Variants in TMEM190 observed in about 807,000 individuals in gnomAD.
TMEM190 encodes transmembrane protein 190.
Under a neutral mutation model 17.1 loss-of-function variants are expected in TMEM190, and 17 were observed. The ratio of observed to expected loss-of-function variants is 0.99; its 90% CI spans 0.68 to 1.49. TMEM190 has a LOEUF of 1.49. Among genes scored for constraint, TMEM190 ranks in the 40% most tolerant of loss-of-function variants. The pLI is 0.00. For synonymous variants in TMEM190, 101 were observed against 103.8 expected (o/e 0.97, Z 0.16); for missense variants, 246 against 245.0 (o/e 1.00, Z -0.03).
intron 2 of TMEM190, 112 bp downstream of exon 2, chr19:55,377,138 G>A (rs1374241192): frequency 3.0e-6 from 3 of 1,011,968 alleles, no homozygotes; most frequent in Admixed American, 2.4e-5. Flanking sequence ...GGGAGGACGG[G>A]GGGGTCTGGA....
At position 55,378,051 on chromosome 19, in the gene TMEM190, C is replaced by G; in HGVS notation, c.382C>G (p.Leu128Val). 6.2e-7 allele frequency: 1 copy of G among 1,612,724 alleles called. No homozygotes were observed. Among genetic ancestry groups the G allele is most frequent in the South Asian group, 1.1e-5 (1 of 91,012 alleles). ...GPCDMSKSVS[L>V]LSKHRGTKKT... ...GTGTGACATGTCCAAGTCCGTCTCG[C>G]TGCTCTCCAAGCACCGAGGGACCAA... is the stretch of plus-strand genomic sequence containing the variant. Residue 128 changes from leucine to valine, a missense_variant, in exon 5 of 5, where the codon CTG (leucine) becomes GTG (valine). By Grantham distance (32) the Leu-to-Val change is conservative. Transcript: ENST00000291934.
Position 55,378,128 on chromosome 19 carries a change from G to A in TMEM190, c.459G>A (p.Arg153=). 1.9e-6 allele frequency: 3 copies of A among 1,591,306 alleles called. No homozygotes were observed. The highest frequency in any genetic ancestry group is 2.6e-6 in the Non-Finnish European group (3 of 1,165,572). ...SVPVALSKES[R]DVEGGTEGEG... is the part of the protein sequence containing the mutation. ...CAGTCGCCCTGTCCAAAGAGTCCAG[G>A]GATGTGGAGGGAGGCACCGAGGGGG... The change falls in exon 5 of 5, where the codon AGG becomes AGA. Residue 153 remains arginine (R), a synonymous_variant. Coordinates refer to ENST00000291934, the MANE Select transcript of TMEM190 (RefSeq NM_139172.3).
chr19:55,377,723 G>C lies in TMEM190; in HGVS notation c.220+5G>C. 6.2e-7 allele frequency: 1 copy of C among 1,611,190 alleles called. No homozygotes were observed. ...GCTACCACCAGCGTCCAGACGGTGAGGGCTCCTGGCCCCAGGTCCCTGGGG... is the reference window on the plus strand; with the variant it reads ...GCTACCACCAGCGTCCAGACGGTGACGGCTCCTGGCCCCAGGTCCCTGGGG... On this transcript the variant is annotated splice_donor_5th_base_variant and intron_variant, in intron 3 of 4. Transcript: ENST00000291934.
chr19:55,376,996 A>AATGGAATCCAGGGATTCTTCTACCC lies in TMEM190; in HGVS notation c.70_94dup (p.Ser32AsnfsTer11). 1 of 1,551,480 alleles carries AATGGAATCCAGGGATTCTTCTACCC rather than the reference A, an allele frequency of 6.4e-7. No individual in the cohort carries two copies. The highest frequency in any genetic ancestry group is 8.7e-7 in the Non-Finnish European group (1 of 1,146,982). Reference sequence around the variant, plus strand: ...CACTGCCCTTTCTCTCGCAGACGGAAATGGAATCCAGGGATTCTTCTACCC... The same window carrying AATGGAATCCAGGGATTCTTCTACCC: ...CACTGCCCTTTCTCTCGCAGACGGAAATGGAATCCAGGGATTCTTCTACCCATGGAATCCAGGGATTCTTCTACCC... On this transcript the variant is annotated frameshift_variant, in exon 2 of 5. Coordinates refer to ENST00000291934, the MANE Select transcript of TMEM190 (RefSeq NM_139172.3). LOFTEE classifies it high-confidence loss of function.
At chr19:55,377,063 G>A (rs915368230) in intron 2 of TMEM190, 37 bp downstream of exon 2, 1 of 1,550,106 alleles carries the variant, frequency 6.5e-7, no homozygotes, top group Non-Finnish European at 8.7e-7. Context: ...ACCCAGGGAG[G>A]GGAGCCCAGA....
chr19:55,378,040 AGTCCGTCTC>A lies in TMEM190; in HGVS notation c.373_381del (p.Ser125_Ser127del). ...CTGGCGGGTCCGTGTGACATGTCCAAGTCCGTCTCGCTGCTCTCCAAGCACCGAGGGACC... is the reference window on the plus strand; with the variant it reads ...CTGGCGGGTCCGTGTGACATGTCCAAGCTGCTCTCCAAGCACCGAGGGACC... On this transcript the variant is annotated inframe_deletion, in exon 5 of 5. Transcript: ENST00000291934. 1 of 1,612,792 alleles carries A rather than the reference AGTCCGTCTC, an allele frequency of 6.2e-7. No individual in the cohort carries two copies. Among genetic ancestry groups the A allele is most frequent in the Non-Finnish European group, 8.5e-7 (1 of 1,179,802 alleles).
At position 55,377,029 on chromosome 19, in the gene TMEM190, G is replaced by T. The variant is rs1425518254; in HGVS notation, c.94+3G>T. ...CCAGGGATTCTTCTACCCATGGAGTGAGCAGCCGCTGAAATACTGGGTCAC... is the reference window on the plus strand; with the variant it reads ...CCAGGGATTCTTCTACCCATGGAGTTAGCAGCCGCTGAAATACTGGGTCAC... On this transcript the variant is annotated splice_donor_region_variant and intron_variant, in intron 2 of 4. Coordinates refer to ENST00000291934, the MANE Select transcript of TMEM190 (RefSeq NM_139172.3). The T allele has an allele frequency of 1.3e-6, 2 of 1,551,098 alleles. No homozygotes were observed. Among genetic ancestry groups the T allele is most frequent in the East Asian group, 4.9e-5 (2 of 40,928 alleles).
chr19:55,377,046 C>T lies in TMEM190; in HGVS notation c.94+20C>T, dbSNP rs1328431781. The T allele has an allele frequency of 6.4e-7, 1 of 1,551,300 alleles. No individual in the cohort carries two copies. The highest frequency in any genetic ancestry group is 8.7e-7 in the Non-Finnish European group (1 of 1,146,902). ...CATGGAGTGAGCAGCCGCTGAAATA[C>T]TGGGTCACCCAGGGAGGGGAGCCCA... On this transcript the variant is annotated intron_variant, in intron 2 of 4. Coordinates refer to ENST00000291934, the MANE Select transcript of TMEM190 (RefSeq NM_139172.3).
chr19:55,378,230 C>T lies in TMEM190; in HGVS notation c.*27C>T. The T allele has an allele frequency of 6.6e-7, 1 of 1,505,340 alleles. No individual in the cohort carries two copies. Among genetic ancestry groups the T allele is most frequent in the Non-Finnish European group, 8.9e-7 (1 of 1,128,380 alleles). 93.2% of individuals were successfully genotyped at this position (1,505,340 alleles called of 1,614,324 possible). A position where few individuals can be genotyped will look rare whatever the true frequency, so the allele number is the denominator to read the frequency against. Reference sequence around the variant, plus strand: ...GGAGTCCCCGGGGGACTGCTCAATACAGATACGGTGGACGGACGTGTGTTC... The same window carrying T: ...GGAGTCCCCGGGGGACTGCTCAATATAGATACGGTGGACGGACGTGTGTTC... On this transcript the variant is annotated 3_prime_UTR_variant, in exon 5 of 5. Coordinates refer to ENST00000291934, the MANE Select transcript of TMEM190 (RefSeq NM_139172.3).
Position 55,378,243 on chromosome 19 carries a change from C to A in TMEM190, c.*40C>A. The A allele has an allele frequency of 7.5e-7, 1 of 1,329,576 alleles. No individual in the cohort carries two copies. 82.4% of individuals were successfully genotyped at this position (1,329,576 alleles called of 1,614,324 possible). On this transcript the variant is annotated 3_prime_UTR_variant, in exon 5 of 5. Transcript: ENST00000291934. Reference sequence around the variant, plus strand: ...GACTGCTCAATACAGATACGGTGGACGGACGTGTGTTCTCTTCTCTGAAAG... The same window carrying A: ...GACTGCTCAATACAGATACGGTGGAAGGACGTGTGTTCTCTTCTCTGAAAG...
In TMEM190 at chr19:55,376,992, C is replaced by G. The variant is rs771489264; in HGVS notation, c.60C>G (p.Asp20Glu). Reference sequence around the variant, plus strand: ...CTAACACTGCCCTTTCTCTCGCAGACGGAAATGGAATCCAGGGATTCTTCT... The same window carrying G: ...CTAACACTGCCCTTTCTCTCGCAGAGGGAAATGGAATCCAGGGATTCTTCT... ...GLLLLLQGSA[D>E]GNGIQGFFYP... Residue 20 changes from aspartate to glutamate, a missense_variant and splice_region_variant, in exon 2 of 5, where the codon GAC becomes GAG. By Grantham distance (45) the Asp-to-Glu change is conservative. Transcript: ENST00000291934. 3 of 1,551,578 alleles carry G rather than the reference C, an allele frequency of 1.9e-6. No individual in the cohort carries two copies. The highest frequency in any genetic ancestry group is 1.7e-6 in the Non-Finnish European group (2 of 1,147,040).
At position 55,377,963 on chromosome 19, in the gene TMEM190, C is replaced by A. The variant is rs550569660; in HGVS notation, c.306-12C>A. 1.9e-6 allele frequency: 3 copies of A among 1,609,326 alleles called. No individual in the cohort carries two copies. The highest frequency in any genetic ancestry group is 1.1e-5 in the South Asian group (1 of 91,008). ...GGCGGAGGGCGGGGGCTGAGCCGTC[C>A]GCTCCCTGCAGGTGGGCCAAGCGCC... is the stretch of plus-strand genomic sequence containing the variant. On this transcript the variant is annotated splice_polypyrimidine_tract_variant and intron_variant, in intron 4 of 4. Coordinates refer to ENST00000291934, the MANE Select transcript of TMEM190 (RefSeq NM_139172.3).
At chr19:55,377,126 G>C in intron 2 of TMEM190, 100 bp downstream of exon 2, 2 of 1,376,550 alleles carry the variant, frequency 1.5e-6, no homozygotes, top group Middle Eastern at 1.9e-4. Flanking sequence ...TCCTGGATCT[G>C]AGGGAGGACG....
At chr19:55,377,947 C>T (rs772450930) in intron 4 of TMEM190, 28 bp from the exon 5 acceptor site, 10 of 1,606,694 alleles carry the variant, frequency 6.2e-6, no homozygotes, top group East Asian at 2.2e-5. Context: ...CGGCGGAGGG[C>T]GGGGGCTGAG....
At chr19:55,377,480 G>A in intron 2 of TMEM190, 113 bp from the exon 3 acceptor site, 1 of 1,510,424 alleles carries the variant, frequency 6.6e-7, no homozygotes, top group Non-Finnish European at 8.9e-7. Flanking sequence ...CTGGGGCCCT[G>A]CACAGAGTAA....
chr19:55,377,532 T>G, intron 2 of TMEM190, 61 bp from the exon 3 acceptor site: 1 of 1,555,446 alleles, frequency 6.4e-7, no homozygotes, highest in South Asian at 1.2e-5. Flanking sequence ...TGGAATCTCG[T>G]GTATGAGGCC....
At chr19:55,377,775 G>C in intron 3 of TMEM190, 27 bp from the exon 4 acceptor site, 2 of 1,612,866 alleles carry the variant, frequency 1.2e-6, no homozygotes, top group Non-Finnish European at 1.7e-6. Context: ...GGGAGCCCCG[G>C]GTCTTAACCC....
Position 55,377,894 on chromosome 19 carries a change from G to A in TMEM190, c.305+8G>A, listed in dbSNP as rs767784964. 2 of 1,608,436 alleles carry A rather than the reference G, an allele frequency of 1.2e-6. No homozygotes were observed. The highest frequency in any genetic ancestry group is 1.3e-5 in the African/African-American group (1 of 74,986). On this transcript the variant is annotated splice_region_variant and intron_variant, in intron 4 of 4. Coordinates refer to ENST00000291934, the MANE Select transcript of TMEM190 (RefSeq NM_139172.3). ...CAGCATCTGCTTGTTCTGGCGAGTGGGCCTGGGATAGGGCGGGCGCCTGCA... is the reference window on the plus strand; with the variant it reads ...CAGCATCTGCTTGTTCTGGCGAGTGAGCCTGGGATAGGGCGGGCGCCTGCA...
Position 55,378,150 on chromosome 19 carries a change from G to C in TMEM190, c.481G>C (p.Gly161Arg), listed in dbSNP as rs749328510. 1.5e-5 allele frequency: 24 copies of C among 1,583,006 alleles called. No individual in the cohort carries two copies. In the Admixed American group the frequency reaches 1.9e-4, roughly 13 times the overall value. The part of the protein sequence containing the change: ...ESRDVEGGTE[G>R]EGTEEGEETE... The stretch of plus-strand genomic sequence containing the variant: ...CAGGGATGTGGAGGGAGGCACCGAG[G>C]GGGAAGGGACGGAGGAGGGTGAGGA... Residue 161 changes from glycine (G) to arginine (R), a missense_variant, in exon 5 of 5, where the codon GGG (glycine) becomes CGG (arginine). Coordinates refer to ENST00000291934, the MANE Select transcript of TMEM190 (RefSeq NM_139172.3).
Sources: gnomAD v4.1 joint callset for allele counts on GRCh38, gnomAD v4.1.1 for gene constraint, MANE v1.5 for transcripts, NCBI Gene and HGNC (gene_info 2026-07-23, HGNC 2026-07-21) for gene names.